LSM14B: variants seen among roughly 807,000 people sequenced by gnomAD.
LSM14B encodes the protein protein LSM14 homolog B.
A neutral mutation model predicts 42.1 loss-of-function variants in LSM14B; 8 were observed. That is an observed-to-expected ratio of 0.19 (90% CI 0.11 to 0.34). LSM14B has a LOEUF of 0.34. Among genes scored for constraint, LSM14B ranks in the 10% least tolerant of loss-of-function variants. LSM14B has a pLI of 1.00. For synonymous variants in LSM14B, 219 were observed against 209.7 expected, an observed-to-expected ratio of 1.04 and a Z score of -0.38; for missense variants, 396 against 513.1, an observed-to-expected ratio of 0.77 and a Z score of 2.21.
intron 7 of LSM14B, among the ~76,000 whole-genome samples, chr20:62,132,229 C>CTGTGGA: frequency 6.6e-6 from 1 of 152,350 alleles, no homozygotes; most frequent in Non-Finnish European, 1.5e-5. Flanking sequence ...AGTGGATGAT[C>CTGTGGA]AGTTCTCACA....
At chr20:62,132,169 G>T (rs749807789) in intron 7 of LSM14B, among the ~76,000 whole-genome samples, 1 of 152,224 alleles carries the variant, frequency 6.6e-6, no homozygotes, top group Non-Finnish European at 1.5e-5. Context: ...ACAGCATGTC[G>T]TGAAGGCCAG....
chr20:62,134,474 C>CTTTTTTT lies in LSM14B; in HGVS notation c.*336_*342dup, dbSNP rs11477488. On this transcript the variant is annotated 3_prime_UTR_variant, in exon 9 of 9. Coordinates refer to ENST00000279068, the MANE Select transcript of LSM14B (RefSeq NM_144703.3). ...TGAAAGCTGAATCCTTACTTTGTGACTTTTTTTTTTTTTTTTAATGACAAG... is the reference window on the plus strand; with the variant it reads ...TGAAAGCTGAATCCTTACTTTGTGACTTTTTTTTTTTTTTTTTTTTTTTAATGACAAG... 1 of 197,246 alleles carries CTTTTTTT rather than the reference C, an allele frequency of 5.1e-6. No individual in the cohort carries two copies. The highest frequency in any genetic ancestry group is 2.7e-5 in the African/African-American group (1 of 37,160). 12.2% of individuals were successfully genotyped at this position (197,246 alleles called of 1,614,324 possible).
intron 7 of LSM14B, among the ~76,000 whole-genome samples, chr20:62,132,488 A>G (rs1432263537): frequency 6.6e-6 from 1 of 152,236 alleles, no homozygotes; most frequent in Non-Finnish European, 1.5e-5. Flanking sequence ...CCAGTGCTGC[A>G]GCACAGGTGG....
At position 62,122,707 on chromosome 20, in the gene LSM14B, T is replaced by C; in HGVS notation, c.41T>C (p.Ile14Thr). 6.6e-7 allele frequency: 1 copy of C among 1,512,654 alleles called. No homozygotes were observed. Among genetic ancestry groups the C allele is most frequent in the Non-Finnish European group, 8.9e-7 (1 of 1,124,496 alleles). 93.7% of individuals were successfully genotyped at this position (1,512,654 alleles called of 1,614,324 possible). The change falls in exon 1 of 9, where the codon ATC becomes ACC. Residue 14 changes from isoleucine to threonine, a missense_variant. Around this residue, in one of 3 missense-constraint regions of LSM14B, gnomAD observed 274 missense variants for 335.8 expected, o/e 0.82. Coordinates refer to ENST00000279068, the MANE Select transcript of LSM14B (RefSeq NM_144703.3). The surrounding 1 kb of genome is among the most constrained non-coding windows in gnomAD (Gnocchi z 4.6). ...SSGTPYLGSK[I>T]SLISKAQIRY... ...GGCACCCCGTATCTGGGCAGCAAGA[T>C]CAGCCTCATCTCCAAGGCGCAGATC...
At chr20:62,126,146 A>G (rs2056593451) in intron 2 of LSM14B, 158 bp from the exon 3 acceptor site, 5 of 945,172 alleles carry the variant, frequency 5.3e-6, no homozygotes, top group Non-Finnish European at 8.2e-6. Context: ...GGCAGCTCTC[A>G]CCATACTGGA....
intron 7 of LSM14B, among the ~76,000 whole-genome samples, chr20:62,132,979 G>C (rs959184383): frequency 6.6e-6 from 1 of 152,164 alleles, no homozygotes; most frequent in Non-Finnish European, 1.5e-5. Context: ...CCTCCCCAGG[G>C]CTCCTCTCTG....
At position 62,131,414 on chromosome 20, in the gene LSM14B, A is replaced by G. The variant is rs757656122; in HGVS notation, c.894A>G (p.Glu298=). 6.2e-7 allele frequency: 1 copy of G among 1,613,560 alleles called. No individual in the cohort carries two copies. The highest frequency in any genetic ancestry group is 1.1e-5 in the South Asian group (1 of 91,058). The change falls in exon 7 of 9, where the codon GAA becomes GAG. Residue 298 remains glutamate (E), a synonymous_variant. Coordinates refer to ENST00000279068, the MANE Select transcript of LSM14B (RefSeq NM_144703.3). ...KDLAVVTQSA[E]APAEEDLLGP... The stretch of plus-strand genomic sequence containing the variant: ...TGGCTGTGGTGACCCAGAGTGCCGA[A>G]GCGCCCGCTGAGGAAGACCTTCTGG...
At chr20:62,123,470 C>A (rs1359975893) in intron 1 of LSM14B, 9 of 152,298 alleles carry the variant, frequency 5.9e-5, no homozygotes, top group Admixed American at 5.9e-4. Flanking sequence ...TGGTGACAGC[C>A]GCCTGTGGGT....
chr20:62,122,688 C>A lies in LSM14B; in HGVS notation c.22C>A (p.Pro8Thr). The change falls in exon 1 of 9, where the codon CCG (proline) becomes ACG (threonine). Residue 8 changes from proline (P) to threonine (T), a missense_variant. Around this residue, in one of 3 missense-constraint regions of LSM14B, gnomAD observed 274 missense variants for 335.8 expected, o/e 0.82. Transcript: ENST00000279068. The surrounding 1 kb of genome is among the most constrained non-coding windows in gnomAD (Gnocchi z 4.6). MSGSSGTPYLGSKISLIS... is the reference protein window; with the variant it reads MSGSSGTTYLGSKISLIS... ...CGCCATGAGCGGCTCCTCAGGCACC[C>A]CGTATCTGGGCAGCAAGATCAGCCT... 6.7e-7 allele frequency: 1 copy of A among 1,490,286 alleles called. No individual in the cohort carries two copies. The highest frequency in any genetic ancestry group is 3.0e-5 in the East Asian group (1 of 33,508). 92.3% of individuals were successfully genotyped at this position (1,490,286 alleles called of 1,614,324 possible). A position where few individuals can be genotyped will look rare whatever the true frequency, so the allele number is the denominator to read the frequency against.
intron 1 of LSM14B, chr20:62,123,213 G>A (rs1034903514): frequency 3.3e-5 from 5 of 152,646 alleles, no homozygotes; most frequent in Admixed American, 1.3e-4. Context: ...TCCCTGCGGG[G>A]GAGCCTCGAG....
At chr20:62,127,068 C>G (rs771673380) in intron 3 of LSM14B, among the ~76,000 whole-genome samples, 2 of 152,214 alleles carry the variant, frequency 1.3e-5, no homozygotes, top group Admixed American at 6.5e-5. Flanking sequence ...TGTAGTATTA[C>G]AGATGAAGTC....
intron 7 of LSM14B, among the ~76,000 whole-genome samples, chr20:62,132,713 G>T (rs146597080): frequency 6.6e-6 from 1 of 152,326 alleles, no homozygotes; most frequent in East Asian, 1.9e-4. Flanking sequence ...AGCTCAGGGT[G>T]GGTGTGCTGC....
chr20:62,126,051 A>G (rs2056588947), intron 2 of LSM14B, among the ~76,000 whole-genome samples: 1 of 152,042 alleles, frequency 6.6e-6, no homozygotes, highest in South Asian at 2.1e-4. Context: ...ACAGAGCAAT[A>G]CTCTTTCAAA....
intron 7 of LSM14B, among the ~76,000 whole-genome samples, chr20:62,132,077 C>A (rs1387840116): frequency 1.3e-5 from 2 of 152,224 alleles, no homozygotes; most frequent in African/African-American, 4.8e-5. Flanking sequence ...CCAGACATGC[C>A]GCGGGGCGTT....
intron 1 of LSM14B, among the ~76,000 whole-genome samples, chr20:62,123,918 GAGGCCCAGAGT>G (rs2056500456): frequency 6.6e-6 from 1 of 152,200 alleles, no homozygotes; most frequent in African/African-American, 2.4e-5. Flanking sequence ...TAGAGAAGCT[GAGGCCCAGAGT>G]AGGCCCAGGA....
rs1314743778 is a variant in LSM14B, at chr20:62,122,646, C to A, written c.-21C>A. 2.0e-5 allele frequency: 28 copies of A among 1,371,420 alleles called. No homozygotes were observed. The highest frequency in any genetic ancestry group is 2.7e-5 in the Non-Finnish European group (28 of 1,040,260). 85.0% of individuals were successfully genotyped at this position (1,371,420 alleles called of 1,614,324 possible). ...CCGGCGCTCCTTCCCCACCGCGGCC[C>A]GACGCACCCCGGCCGCCGCCATGAG... On this transcript the variant is annotated 5_prime_UTR_variant, in exon 1 of 9. Coordinates refer to ENST00000279068, the MANE Select transcript of LSM14B (RefSeq NM_144703.3). This position sits in a 1 kb window ranked among gnomAD's most constrained non-coding sequence, Gnocchi z 4.6.
rs933631452 is a variant in LSM14B at position 62,129,959 on chromosome 20, G to A, written c.595+7G>A. ...AGCAGCAAGACGGCCAGCGGTACTT[G>A]AACACATCATTTCCTGGAGTTTGCT... On this transcript the variant is annotated splice_region_variant and intron_variant, in intron 4 of 8. Coordinates refer to ENST00000279068, the MANE Select transcript of LSM14B (RefSeq NM_144703.3). 1 of 1,606,352 alleles carries A rather than the reference G, an allele frequency of 6.2e-7. No individual in the cohort carries two copies. The highest frequency in any genetic ancestry group is 1.3e-5 in the African/African-American group (1 of 74,542).
intron 2 of LSM14B, among the ~76,000 whole-genome samples, chr20:62,125,966 TGG>T (rs1300883536): frequency 6.6e-6 from 1 of 152,094 alleles, no homozygotes; most frequent in Non-Finnish European, 1.5e-5. Flanking sequence ...AGGCTGAGGC[TGG>T]GAGAATCGCT....
In LSM14B at chr20:62,126,860, G is replaced by A. The variant is rs147306329; in HGVS notation, c.427+421G>A. ...AGAAATACAAAAATTAGCTGGGTGT[G>A]GTGGGACACACCTGTAATCCCAGCT... is the stretch of plus-strand genomic sequence containing the variant. On this transcript the variant is annotated intron_variant, in intron 3 of 8. Transcript: ENST00000279068. 8.4e-3 allele frequency among the ~76,000 whole-genome samples: 1,283 copies of A among 152,230 alleles called. 12 individuals are homozygous for A. Among genetic ancestry groups the A allele is most frequent in the Middle Eastern group, 0.075 (22 of 294 alleles).
Sources: gnomAD v4.1 joint callset for allele counts (sites outside exome capture counted in the v4.1 genomes callset) on GRCh38, gnomAD v4.1.1 for gene constraint, gnomAD v4.1.1 regional missense constraint, Gnocchi (gnomAD v3.1) non-coding constraint, MANE v1.5 for transcripts, NCBI Gene and HGNC (gene_info 2026-07-23, HGNC 2026-07-21) for gene names.